PDLIM5: variants seen among roughly 807,000 people sequenced by gnomAD.
The protein encoded by PDLIM5 is PDZ and LIM domain 5.
In PDLIM5, 34 loss-of-function variants were observed where a neutral mutation model predicts 64.2. The ratio of observed to expected loss-of-function variants is 0.53; its 90% CI spans 0.40 to 0.71. The LOEUF (loss-of-function observed/expected upper bound fraction) is 0.71. Ranked by LOEUF, PDLIM5 falls within the 30% of genes least tolerant of loss-of-function variation. The pLI is 0.00. For synonymous variants in PDLIM5, 253 were observed against 269.1 expected (o/e 0.94, Z 0.59); for missense variants, 683 against 733.6 (o/e 0.93, Z 0.80).
At chr4:94,618,748 A>G (rs1030550983) in intron 8 of PDLIM5, among the ~76,000 whole-genome samples, 3 of 152,230 alleles carry the variant, frequency 2.0e-5, no homozygotes, top group African/African-American at 7.2e-5. Context: ...ACAGCTTTAA[A>G]TAAAGTCACA....
intron 7 of PDLIM5, among the ~76,000 whole-genome samples, chr4:94,614,938 T>G (rs1738654613): frequency 6.6e-6 from 1 of 152,204 alleles, no homozygotes; most frequent in African/African-American, 2.4e-5. Flanking sequence ...AAATTCTTAG[T>G]GCAGATGAAG....
chr4:94,566,509 G>A (rs1202211384), intron 3 of PDLIM5, among the ~76,000 whole-genome samples: 3 of 152,116 alleles, frequency 2.0e-5, no homozygotes, highest in Non-Finnish European at 4.4e-5. Context: ...TTCTATCACT[G>A]CTTACTTTGT....
chr4:94,516,719 A>G (rs1560670908), intron 2 of PDLIM5, among the ~76,000 whole-genome samples: 1 of 151,890 alleles, frequency 6.6e-6, no homozygotes, highest in South Asian at 2.1e-4. Flanking sequence ...TTTTGTAGAG[A>G]TAGGGTCTCA....
intron 8 of PDLIM5, among the ~76,000 whole-genome samples, chr4:94,623,558 G>A (rs566429009): frequency 6.6e-6 from 1 of 152,106 alleles, no homozygotes; most frequent in South Asian, 2.1e-4. Flanking sequence ...GTTTACATAG[G>A]TGTCTTTTAC....
intron 3 of PDLIM5, among the ~76,000 whole-genome samples, chr4:94,566,543 T>A (rs571418997): frequency 6.6e-6 from 1 of 152,288 alleles, no homozygotes; most frequent in African/African-American, 2.4e-5. Flanking sequence ...CCAGATATGT[T>A]ACATACATTA....
intron 2 of PDLIM5, among the ~76,000 whole-genome samples, chr4:94,496,808 C>T (rs752463397): frequency 6.6e-6 from 1 of 152,182 alleles, no homozygotes; most frequent in South Asian, 2.1e-4. Flanking sequence ...GCACATTTGA[C>T]CTAATGAACT....
chr4:94,473,988 A>G (rs564806631), intron 2 of PDLIM5, among the ~76,000 whole-genome samples: 307 of 152,298 alleles, frequency 2.0e-3, no homozygotes, highest in Non-Finnish European at 3.7e-3. Flanking sequence ...TCAAGGTGAA[A>G]TAAAATTATT....
At chr4:94,455,473 C>G (rs776339806) in intron 2 of PDLIM5, 89 bp downstream of exon 2, 7 of 838,652 alleles carry the variant, frequency 8.3e-6, no homozygotes, top group Non-Finnish European at 1.4e-5. Context: ...GACCTGTACT[C>G]TACTTATTAT....
chr4:94,475,722 T>A (rs1165164506), intron 2 of PDLIM5, among the ~76,000 whole-genome samples: 1 of 152,174 alleles, frequency 6.6e-6, no homozygotes, highest in Non-Finnish European at 1.5e-5. Context: ...CATTACTAAC[T>A]ACACATTTTA....
At chr4:94,518,064 AT>A (rs1261802695) in intron 2 of PDLIM5, among the ~76,000 whole-genome samples, 1 of 152,208 alleles carries the variant, frequency 6.6e-6, no homozygotes, top group Non-Finnish European at 1.5e-5. Flanking sequence ...GATAAATTTC[AT>A]ATATAGACAA....
chr4:94,598,185 A>C lies in PDLIM5; in HGVS notation c.920+11741A>C, dbSNP rs1030491474. 5.3e-5 allele frequency among the ~76,000 whole-genome samples: 8 copies of C among 152,190 alleles called. No homozygotes were observed. The East Asian group carries it at 1.5e-3, about 29-fold the overall frequency. ...GTACCATGAAGCAGGGAGATATAGC[A>C]TACATGTTCAATAACCAATAAGGTT... On this transcript the variant is annotated intron_variant, in intron 7 of 12. Transcript: ENST00000317968.
At chr4:94,476,288 T>A (rs1725315704) in intron 2 of PDLIM5, among the ~76,000 whole-genome samples, 1 of 152,184 alleles carries the variant, frequency 6.6e-6, no homozygotes, top group African/African-American at 2.4e-5. Flanking sequence ...CAAACCTTTC[T>A]GGACACGTAA....
At chr4:94,626,880 T>A (rs1040680166) in intron 8 of PDLIM5, among the ~76,000 whole-genome samples, 1 of 152,088 alleles carries the variant, frequency 6.6e-6, no homozygotes, top group Non-Finnish European at 1.5e-5. Flanking sequence ...CAGTTATAAG[T>A]GGATATAAAT....
chr4:94,581,831 G>A (rs1735757417), intron 5 of PDLIM5, among the ~76,000 whole-genome samples: 1 of 152,106 alleles, frequency 6.6e-6, no homozygotes, highest in Non-Finnish European at 1.5e-5. Context: ...CACTTAATAG[G>A]CTATGTGAAT....
intron 2 of PDLIM5, among the ~76,000 whole-genome samples, chr4:94,461,805 A>G (rs963791636): frequency 1.3e-5 from 2 of 152,188 alleles, no homozygotes; most frequent in African/African-American, 4.8e-5. Context: ...AATAGAGGAG[A>G]GTAAAATGAA....
rs936785315 is a variant in PDLIM5 at position 94,664,825 on chromosome 4, G to A, written c.*758G>A. The A allele has an allele frequency of 2.7e-5, 12 of 450,626 alleles. No homozygotes were observed. Among genetic ancestry groups the A allele is most frequent in the Non-Finnish European group, 3.5e-5 (12 of 341,254 alleles). The allele number at this position is 450,626 out of a possible 1,614,324, so 27.9% of individuals were successfully genotyped here. A position where few individuals can be genotyped will look rare whatever the true frequency, so the allele number is the denominator to read the frequency against. ...GGAGAGGTTGCAGTGAGCCAAGATC[G>A]TACCACTGCACTCCAGCCTGGGTGA... is the stretch of plus-strand genomic sequence containing the variant. On this transcript the variant is annotated 3_prime_UTR_variant, in exon 13 of 13. Coordinates refer to ENST00000317968, the MANE Select transcript of PDLIM5 (RefSeq NM_006457.5).
intron 3 of PDLIM5, among the ~76,000 whole-genome samples, chr4:94,560,856 A>T (rs111959013): frequency 2.5e-4 from 38 of 152,184 alleles, no homozygotes; most frequent in African/African-American, 9.2e-4. Context: ...CCTCCTGAGT[A>T]GCTGGGACTA....
chr4:94,503,825 CAT>C (rs1238548057), intron 2 of PDLIM5, among the ~76,000 whole-genome samples: 2 of 152,126 alleles, frequency 1.3e-5, no homozygotes, highest in Non-Finnish European at 2.9e-5. Flanking sequence ...TCTGTTAGCT[CAT>C]AAATAGCAGG....
rs545116223 is a variant in PDLIM5, at chr4:94,653,445, A to G, written c.1284-1015A>G. On this transcript the variant is annotated intron_variant, in intron 9 of 12. Transcript: ENST00000317968. ...GTATGTTGCAGAGGCTAGAATGGTT[A>G]GTCTCTGCAGGCTTCATGACTAGAT... Among the ~76,000 whole-genome samples, 9 of 152,302 alleles carry G rather than the reference A, an allele frequency of 5.9e-5. No homozygotes were observed. The East Asian group carries it at 1.2e-3, about 20-fold the overall frequency.
Sources: gnomAD v4.1 joint callset for allele counts (sites outside exome capture counted in the v4.1 genomes callset) on GRCh38, gnomAD v4.1.1 for gene constraint, MANE v1.5 for transcripts, NCBI Gene and HGNC (gene_info 2026-07-23, HGNC 2026-07-21) for gene names.